The following TBC1D21 variants were observed in gnomAD, a reference collection of about 807,000 sequenced individuals.
The protein encoded by TBC1D21 is TBC1 domain family member 21.
A neutral mutation model predicts 46.0 loss-of-function variants in TBC1D21; 38 were observed. The ratio of observed to expected loss-of-function variants is 0.83; its 90% CI spans 0.64 to 1.08. The LOEUF is 1.08. Ranked by LOEUF, TBC1D21 falls within the 50% of genes least tolerant of loss-of-function variation. The pLI is 0.00. For missense variants in TBC1D21, 415 were observed against 417.9 expected, an observed-to-expected ratio of 0.99 and a Z score of 0.06; for synonymous variants, 151 against 157.2, an observed-to-expected ratio of 0.96 and a Z score of 0.29.
the TBC1D21 span, among the ~76,000 whole-genome samples, chr15:73,903,821 C>G: frequency 1.3e-5 from 2 of 152,028 alleles, no homozygotes; most frequent in Non-Finnish European, 1.5e-5. Flanking sequence ...TTTGGGAGGC[C>G]GAGGGGCTTG....
intron 6 of TBC1D21, 31 bp from the exon 7 acceptor site, chr15:73,886,047 G>A (rs748654518): frequency 2.5e-6 from 4 of 1,604,784 alleles, no homozygotes; most frequent in Admixed American, 1.7e-5. Flanking sequence ...AGCCAAGGGG[G>A]ACTCAGTCTG....
chr15:73,888,001 C>T (rs771824654), intron 9 of TBC1D21, among the ~76,000 whole-genome samples: 2 of 152,182 alleles, frequency 1.3e-5, no homozygotes, highest in African/African-American at 2.4e-5. Context: ...GAAATGGAGG[C>T]CTTGAACACT....
chr15:73,893,291 C>T (rs545704622), downstream of TBC1D21, among the ~76,000 whole-genome samples: 16 of 152,192 alleles, frequency 1.1e-4, no homozygotes, highest in South Asian at 3.3e-3. Flanking sequence ...AAAACTAGTG[C>T]CCAGCACACT....
At chr15:73,888,586 T>G in intron 10 of TBC1D21, 73 bp downstream of exon 10, 1 of 825,122 alleles carries the variant, frequency 1.2e-6, no homozygotes. Context: ...CTCCTCTTCC[T>G]CCTCCTCCTC....
the TBC1D21 span, among the ~76,000 whole-genome samples, chr15:73,898,023 T>C: frequency 6.6e-6 from 1 of 152,154 alleles, no homozygotes; most frequent in African/African-American, 2.4e-5. Flanking sequence ...TGAGTGGTCA[T>C]CATCATGGCC....
chr15:73,902,781 G>A, the TBC1D21 span, among the ~76,000 whole-genome samples: 5 of 152,186 alleles, frequency 3.3e-5, no homozygotes, highest in South Asian at 2.1e-4. Flanking sequence ...GGGTCATGCC[G>A]AGCCAATCCA....
the TBC1D21 span, among the ~76,000 whole-genome samples, chr15:73,898,827 G>T: frequency 8.1e-6 from 1 of 124,046 alleles, no homozygotes; most frequent in Non-Finnish European, 1.6e-5. Flanking sequence ...TTGCACCACT[G>T]CCCTCCAGCC....
At chr15:73,878,586 GA>G (rs567757492) in intron 1 of TBC1D21, among the ~76,000 whole-genome samples, 15 of 152,280 alleles carry the variant, frequency 9.9e-5, no homozygotes, top group Middle Eastern at 3.4e-3. Flanking sequence ...CCTAGACACT[GA>G]AAACTACAAG....
At chr15:73,900,132 C>G in the TBC1D21 span, among the ~76,000 whole-genome samples, 1 of 152,184 alleles carries the variant, frequency 6.6e-6, no homozygotes, top group Non-Finnish European at 1.5e-5. Flanking sequence ...GTTCTCTGCC[C>G]TGAATGCCAG....
Position 73,888,464 on chromosome 15 carries a change from A to T in TBC1D21, c.929A>T (p.Glu310Val), listed in dbSNP as rs1215880108. ...CNNLIDLDAD[E>V]LISAACVVYA... ...AACCTCATCGACCTTGATGCTGATG[A>T]GCTGATCTCTGCCGCCTGCGTGGTT... The change falls in exon 10 of 11, where the codon GAG becomes GTG. Residue 310 changes from glutamate (E) to valine (V), a missense_variant. Transcript: ENST00000300504. The T allele has an allele frequency of 6.2e-7, 1 of 1,614,030 alleles. No individual in the cohort carries two copies. Among genetic ancestry groups the T allele is most frequent in the Admixed American group, 1.7e-5 (1 of 60,012 alleles).
chr15:73,905,261 G>A, the TBC1D21 span, among the ~76,000 whole-genome samples: 1 of 152,208 alleles, frequency 6.6e-6, no homozygotes, highest in African/African-American at 2.4e-5. Context: ...ATTCAATAAT[G>A]CATTGTCCAA....
the TBC1D21 span, among the ~76,000 whole-genome samples, chr15:73,905,988 G>A: frequency 7.2e-5 from 11 of 152,162 alleles, 1 homozygote; most frequent in African/African-American, 1.2e-4. Context: ...GGTATCACTC[G>A]GTGTCGGTCA....
At chr15:73,896,946 G>A in the TBC1D21 span, among the ~76,000 whole-genome samples, 1 of 152,168 alleles carries the variant, frequency 6.6e-6, no homozygotes, top group Non-Finnish European at 1.5e-5. Flanking sequence ...GTGGGGTAGG[G>A]GTGATGTCAA....
chr15:73,906,454 T>C, the TBC1D21 span, among the ~76,000 whole-genome samples: 9 of 151,716 alleles, frequency 5.9e-5, no homozygotes, highest in East Asian at 1.9e-4. Context: ...GAATCTGGAG[T>C]GGAGAGGGTG....
chr15:73,884,107 A>G (rs2068200543), intron 3 of TBC1D21, 44 bp from the exon 4 acceptor site: 1 of 1,407,162 alleles, frequency 7.1e-7, no homozygotes, highest in Non-Finnish European at 9.5e-7. Flanking sequence ...CACTTATCAG[A>G]AGGGGAAAAG....
At chr15:73,897,282 T>C in the TBC1D21 span, among the ~76,000 whole-genome samples, 393 of 152,334 alleles carry the variant, frequency 2.6e-3, 1 homozygote, top group African/African-American at 9.1e-3. Context: ...TTTGAGCCTC[T>C]GTTTTCTCAC....
At chr15:73,892,819 A>C (rs1477671356), downstream of TBC1D21, among the ~76,000 whole-genome samples, 1 of 152,252 alleles carries the variant, frequency 6.6e-6, no homozygotes, top group Non-Finnish European at 1.5e-5. Flanking sequence ...CACAGGTTTC[A>C]AGCTGGAAAG....
intron 10 of TBC1D21, 141 bp downstream of exon 10, chr15:73,888,654 C>CTCTTCTTCCTCCTCCTCT: frequency 1.5e-6 from 1 of 687,208 alleles, no homozygotes. Context: ...CTTCCTCCTC[C>CTCTTCTTCCTCCTCCTCT]TCTTCTTCCT....
intron 1 of TBC1D21, among the ~76,000 whole-genome samples, chr15:73,876,234 T>C (rs1386518659): frequency 9.0e-6 from 1 of 111,652 alleles, no homozygotes; most frequent in Non-Finnish European, 1.8e-5. Context: ...TTTTTTTTTT[T>C]TTTTTTTTTT....
Sources: allele counts gnomAD v4.1 joint callset (sites outside exome capture counted in the v4.1 genomes callset), GRCh38; gene constraint gnomAD v4.1.1; transcripts MANE v1.5; gene names NCBI Gene and HGNC (gene_info 2026-07-23, HGNC 2026-07-21).